ATPSCKMT: variants seen among roughly 807,000 people sequenced by gnomAD.
The protein encoded by ATPSCKMT is ATP synthase c subunit lysine N-methyltransferase.
In ATPSCKMT, 24 loss-of-function variants were observed where a neutral mutation model predicts 24.3. The observed-to-expected ratio is 0.99, with a 90% CI of 0.71 to 1.39. The LOEUF (loss-of-function observed/expected upper bound fraction) is 1.39. ATPSCKMT is among the 40% of genes most tolerant of loss of function. ATPSCKMT has a pLI of 0.00. For synonymous variants in ATPSCKMT, 95 were observed against 110.5 expected (o/e 0.86, Z 0.88); for missense variants, 311 against 298.4 (o/e 1.04, Z -0.31).
chr5:10,243,788 C>T (rs1437510148), intron 1 of ATPSCKMT, among the ~76,000 whole-genome samples: 1 of 152,240 alleles, frequency 6.6e-6, no homozygotes, highest in East Asian at 1.9e-4. Flanking sequence ...CCAGACCACT[C>T]AAACTTGCTC....
chr5:10,240,072 A>C (rs1579428932), intron 1 of ATPSCKMT, among the ~76,000 whole-genome samples: 1 of 26,230 alleles, frequency 3.8e-5, no homozygotes. Flanking sequence ...TAAAAATACA[A>C]AAAAAAAAAA....
chr5:10,235,725 T>C lies in ATPSCKMT; in HGVS notation c.445-464A>G, dbSNP rs1317105634. Among the ~76,000 whole-genome samples, 9 of 149,822 alleles carry C rather than the reference T, an allele frequency of 6.0e-5. No homozygotes were observed. In the Admixed American group the frequency reaches 6.2e-4, roughly 10 times the overall value. ...CCTTAAAATTTGAGTCCCCCTCCTC[T>C]TCTCTAAAATACTATGTAAAAAAGT... On this transcript the variant is annotated intron_variant, in intron 3 of 4. Transcript: ENST00000511437.
chr5:10,227,351 C>A lies in ATPSCKMT; in HGVS notation c.*90G>T. Reference sequence around the variant, plus strand: ...GTAATTTCTCATTCCAAACCAAAGACAATTATGCTCCTTTGCTAAGGACAC... The same window carrying A: ...GTAATTTCTCATTCCAAACCAAAGAAAATTATGCTCCTTTGCTAAGGACAC... On this transcript the variant is annotated 3_prime_UTR_variant, in exon 5 of 5. Coordinates refer to ENST00000511437, the MANE Select transcript of ATPSCKMT (RefSeq NM_199133.4). 1 of 1,359,572 alleles carries A rather than the reference C, an allele frequency of 7.4e-7. No individual in the cohort carries two copies. The highest frequency in any genetic ancestry group is 1.2e-5 in the South Asian group (1 of 80,716). The allele number at this position is 1,359,572 out of a possible 1,614,324, so 84.2% of individuals were successfully genotyped here. A position where few individuals can be genotyped will look rare whatever the true frequency, so the allele number is the denominator to read the frequency against.
In ATPSCKMT at chr5:10,225,609, C is replaced by A. The variant is rs1472307465; in HGVS notation, c.*1832G>T. Among the ~76,000 whole-genome samples the A allele has an allele frequency of 6.6e-6, 1 of 152,080 alleles. No homozygotes were observed. The highest frequency in any genetic ancestry group is 1.5e-5 in the Non-Finnish European group (1 of 68,024). ...AAGAGCTTGTGCAGGAAAACTCCCC[C>A]CTAAAATAACCATCAGATCTCATTA... On this transcript the variant is annotated 3_prime_UTR_variant, in exon 5 of 5. Transcript: ENST00000511437.
intron 2 of ATPSCKMT, chr5:10,236,998 A>G: frequency 7.6e-7 from 1 of 1,307,220 alleles, no homozygotes; most frequent in Non-Finnish European, 1.0e-6. Flanking sequence ...AGTGTCTGGG[A>G]GGATGGTTTT....
intron 4 of ATPSCKMT, among the ~76,000 whole-genome samples, chr5:10,232,918 T>A (rs7714921): frequency 2.0e-5 from 3 of 152,092 alleles, no homozygotes; most frequent in Non-Finnish European, 4.4e-5. Context: ...GTGCGTAAGC[T>A]CATGTTAAAC....
chr5:10,234,337 A>AG (rs1339840567), intron 4 of ATPSCKMT, among the ~76,000 whole-genome samples: 2 of 152,340 alleles, frequency 1.3e-5, no homozygotes, highest in Non-Finnish European at 2.9e-5. Flanking sequence ...CAAAAAAAAA[A>AG]GAATATTTTA....
chr5:10,241,046 T>C (rs1391306809), intron 1 of ATPSCKMT, among the ~76,000 whole-genome samples: 2 of 152,008 alleles, frequency 1.3e-5, no homozygotes, highest in Admixed American at 1.3e-4. Context: ...CATACAGTTC[T>C]GGAGGTCAGT....
chr5:10,233,407 A>C (rs1219694733), intron 4 of ATPSCKMT, among the ~76,000 whole-genome samples: 1 of 152,158 alleles, frequency 6.6e-6, no homozygotes, highest in African/African-American at 2.4e-5. Flanking sequence ...AAGCTGGCCA[A>C]ATCTCTATTA....
At chr5:10,233,222 C>A (rs949746401) in intron 4 of ATPSCKMT, among the ~76,000 whole-genome samples, 6 of 152,146 alleles carry the variant, frequency 3.9e-5, no homozygotes, top group African/African-American at 1.4e-4. Context: ...CACCCAGCCA[C>A]GGCTGGGATG....
chr5:10,230,951 A>G (rs1222556293), intron 4 of ATPSCKMT, among the ~76,000 whole-genome samples: 1 of 151,788 alleles, frequency 6.6e-6, no homozygotes, highest in African/African-American at 2.4e-5. Flanking sequence ...ATGCCCAACA[A>G]ACCTACATCT....
intron 4 of ATPSCKMT, among the ~76,000 whole-genome samples, chr5:10,233,366 C>T (rs1325251109): frequency 4.6e-5 from 7 of 152,148 alleles, no homozygotes; most frequent in Admixed American, 2.6e-4. Flanking sequence ...AGCCTCCGCA[C>T]CCCTGACCGA....
chr5:10,239,418 T>C, intron 1 of ATPSCKMT, 62 bp from the exon 2 acceptor site: 2 of 1,425,804 alleles, frequency 1.4e-6, no homozygotes, highest in African/African-American at 2.9e-5. Context: ...AAGAGAGCAT[T>C]TTTTTCTACA....
At chr5:10,236,752 A>G in intron 2 of ATPSCKMT, 137 bp from the exon 3 acceptor site, 1 of 1,459,854 alleles carries the variant, frequency 6.9e-7, no homozygotes, top group Non-Finnish European at 9.0e-7. Flanking sequence ...TCATTTTAAA[A>G]TGTGTCTCTA....
rs753489449 is a variant in ATPSCKMT, at chr5:10,239,269, T to C, written c.104A>G (p.Asn35Ser). ...SFEVNSLQKSNWGFLLTGLVG... is the reference protein window; with the variant it reads ...SFEVNSLQKSSWGFLLTGLVG... ...AAGCCCAGTAAGTAAGAACCCCCAGTTGCTTTTCTGCAAACTGTTGACTTC... is the reference window on the plus strand; with the variant it reads ...AAGCCCAGTAAGTAAGAACCCCCAGCTGCTTTTCTGCAAACTGTTGACTTC... Residue 35 changes from asparagine (N) to serine (S), a missense_variant, in exon 2 of 5, where the codon AAC (asparagine) becomes AGC (serine). Coordinates refer to ENST00000511437, the MANE Select transcript of ATPSCKMT (RefSeq NM_199133.4). 2 of 1,614,170 alleles carry C rather than the reference T, an allele frequency of 1.2e-6. No homozygotes were observed. Among genetic ancestry groups the C allele is most frequent in the African/African-American group, 1.3e-5 (1 of 75,044 alleles).
intron 4 of ATPSCKMT, 92 bp from the exon 5 acceptor site, chr5:10,227,739 T>G (rs1162754088): frequency 6.8e-6 from 8 of 1,175,984 alleles, no homozygotes; most frequent in Non-Finnish European, 9.8e-6. Context: ...TGAAAATACC[T>G]GAGCAAAAAT....
At chr5:10,249,761 C>A in intron 1 of ATPSCKMT, 97 bp downstream of exon 1, 1 of 1,485,728 alleles carries the variant, frequency 6.7e-7, no homozygotes, top group Non-Finnish European at 9.0e-7. Flanking sequence ...ACCCGGTCAC[C>A]GCCTCGACAG....
chr5:10,249,314 ACTGTTT>A (rs944985572), intron 1 of ATPSCKMT: 1 of 152,386 alleles, frequency 6.6e-6, no homozygotes, highest in African/African-American at 2.4e-5. Context: ...AGGCTGTGTA[ACTGTTT>A]CTTACTAGCT....
At chr5:10,231,231 G>A (rs1744117615) in intron 4 of ATPSCKMT, among the ~76,000 whole-genome samples, 1 of 152,078 alleles carries the variant, frequency 6.6e-6, no homozygotes, top group South Asian at 2.1e-4. Context: ...CCCCACCTTT[G>A]TCTCTCTCCC....
Sources: gnomAD v4.1 joint callset for allele counts (sites outside exome capture counted in the v4.1 genomes callset) on GRCh38, gnomAD v4.1.1 for gene constraint, MANE v1.5 for transcripts, NCBI Gene and HGNC (gene_info 2026-07-23, HGNC 2026-07-21) for gene names.